The following MTAP variants were observed in gnomAD, a reference collection of about 807,000 sequenced individuals.
MTAP encodes the protein methylthioadenosine phosphorylase.
MTAP carries 33 observed loss-of-function variants against 33.6 expected under a neutral mutation model. The ratio of observed to expected loss-of-function variants is 0.98; its 90% CI spans 0.74 to 1.31. MTAP has a LOEUF of 1.31. Ranked by LOEUF, MTAP falls within the 40% of genes most tolerant of loss-of-function variation. The probability of loss-of-function intolerance (pLI) is 0.00; values close to 1 mark genes in which losing one functional copy is unlikely to be tolerated. For missense variants in MTAP, 367 were observed against 360.0 expected, an observed-to-expected ratio of 1.02 and a Z score of -0.16; for synonymous variants, 148 against 125.7, an observed-to-expected ratio of 1.18 and a Z score of -1.19.
chr9:21,859,999 G>A (rs1209967061), intron 7 of MTAP: 1 of 152,142 alleles, frequency 6.6e-6, no homozygotes, highest in Non-Finnish European at 1.5e-5. Context: ...TAACCACATA[G>A]GGAAAGACTT....
chr9:21,883,239 A>G (rs1047623989), intron 1 of MTAP, among the ~76,000 whole-genome samples: 2 of 152,256 alleles, frequency 1.3e-5, no homozygotes, highest in South Asian at 2.1e-4. Flanking sequence ...TAGTTCAACA[A>G]AAGAGAAACT....
intron 3 of MTAP, among the ~76,000 whole-genome samples, chr9:21,817,576 G>T (rs1004913503): frequency 2.0e-5 from 3 of 152,106 alleles, no homozygotes; most frequent in African/African-American, 4.8e-5. Context: ...CTGTTCACTT[G>T]ACTGCAGCTT....
At chr9:21,920,171 G>C (rs77801128) in intron 1 of MTAP, among the ~76,000 whole-genome samples, 4,450 of 152,196 alleles carry the variant, frequency 0.029, 120 homozygotes, top group Non-Finnish European at 0.041. Context: ...TTGAATTACA[G>C]AATGGGAGTG....
At chr9:21,898,078 C>A (rs1221203161) in intron 1 of MTAP, among the ~76,000 whole-genome samples, 2 of 152,160 alleles carry the variant, frequency 1.3e-5, no homozygotes, top group Non-Finnish European at 2.9e-5. Flanking sequence ...AATAATACCA[C>A]ACATCTACAA....
intron 4 of MTAP, among the ~76,000 whole-genome samples, chr9:21,827,022 A>G (rs1387428099): frequency 3.3e-5 from 5 of 152,044 alleles, no homozygotes; most frequent in Non-Finnish European, 7.4e-5. Flanking sequence ...TTCATCCTGA[A>G]ACCATCCCCT....
chr9:21,930,404 TG>T (rs1415770297), intron 1 of MTAP: 1 of 210,476 alleles, frequency 4.8e-6, no homozygotes, highest in Admixed American at 5.3e-5. Flanking sequence ...GACTGGAACT[TG>T]TACCATAGAT....
chr9:21,865,117 T>C lies in MTAP; in HGVS notation c.*3103T>C, dbSNP rs1021007192. ...CCCACCCAAATCTCATGTTGAATTG[T>C]AGTTCCCATAATCCCCACATGTTGT... On this transcript the variant is annotated 3_prime_UTR_variant, in exon 8 of 8. Transcript: ENST00000644715. 8 of 982,764 alleles carry C rather than the reference T, an allele frequency of 8.1e-6. No individual in the cohort carries two copies. Among genetic ancestry groups the C allele is most frequent in the Non-Finnish European group, 9.7e-6 (8 of 827,624 alleles). The allele number at this position is 982,764 out of a possible 1,614,324, so 60.9% of individuals were successfully genotyped here.
chr9:21,927,877 T>C (rs1563873891), intron 1 of MTAP, among the ~76,000 whole-genome samples: 1 of 152,234 alleles, frequency 6.6e-6, no homozygotes, highest in Admixed American at 6.5e-5. Flanking sequence ...GGAATACTCC[T>C]ATTACATAGA....
At position 21,862,187 on chromosome 9, in the gene MTAP, T is replaced by A; in HGVS notation, c.*173T>A. The A allele has an allele frequency of 7.3e-7, 1 of 1,364,460 alleles. No homozygotes were observed. The highest frequency in any genetic ancestry group is 9.5e-7 in the Non-Finnish European group (1 of 1,056,448). 84.5% of individuals were successfully genotyped at this position (1,364,460 alleles called of 1,614,324 possible). A position where few individuals can be genotyped will look rare whatever the true frequency, so the allele number is the denominator to read the frequency against. On this transcript the variant is annotated 3_prime_UTR_variant, in exon 8 of 8. Coordinates refer to ENST00000644715, the MANE Select transcript of MTAP (RefSeq NM_002451.4). ...GTGTGTATTAGAGACTCCTGAATGA[T>A]TTAGACAACTTCAAAATACAGAAGA...
chr9:21,835,100 C>G (rs1405945021), intron 4 of MTAP, among the ~76,000 whole-genome samples: 1 of 152,152 alleles, frequency 6.6e-6, no homozygotes, highest in African/African-American at 2.4e-5. Flanking sequence ...TACTTTCTCA[C>G]AGATAGCACC....
intron 1 of MTAP, among the ~76,000 whole-genome samples, chr9:21,878,187 G>A (rs1299102583): frequency 1.3e-5 from 2 of 151,886 alleles, no homozygotes; most frequent in Non-Finnish European, 2.9e-5. Context: ...TATTTCTGTG[G>A]GGTCATTGGT....
At position 21,806,687 on chromosome 9, in the gene MTAP, C is replaced by T. The variant is rs547324555; in HGVS notation, c.33+3906C>T. Among the ~76,000 whole-genome samples the T allele has an allele frequency of 1.4e-4, 22 of 152,278 alleles. No homozygotes were observed. The South Asian group carries it at 2.7e-3, about 19-fold the overall frequency. On this transcript the variant is annotated intron_variant, in intron 1 of 7. Coordinates refer to ENST00000644715, the MANE Select transcript of MTAP (RefSeq NM_002451.4). ...CAGGAGCCAGAGGCTATGGGATTAA[C>T]ACTGCCATTGTCTGAGAGGACCTCA... is the stretch of plus-strand genomic sequence containing the variant.
chr9:21,815,686 T>A, intron 2 of MTAP, 167 bp downstream of exon 2: 1 of 624,438 alleles, frequency 1.6e-6, no homozygotes. Flanking sequence ...TTCCATCAGC[T>A]GAGAAGGTGT....
chr9:21,873,737 T>C (rs1251698994), intron 1 of MTAP, among the ~76,000 whole-genome samples: 1 of 151,652 alleles, frequency 6.6e-6, no homozygotes, highest in Non-Finnish European at 1.5e-5. Context: ...TTTACCTCAA[T>C]CAGCAATTTA....
intron 1 of MTAP, among the ~76,000 whole-genome samples, chr9:21,877,978 G>A (rs547246675): frequency 3.4e-4 from 51 of 152,058 alleles, no homozygotes; most frequent in African/African-American, 1.1e-3. Context: ...CTGTGAATCT[G>A]TCTAGACATG....
chr9:21,940,925 TG>T, downstream of MTAP: 1 of 812,212 alleles, frequency 1.2e-6, no homozygotes, highest in Non-Finnish European at 1.5e-6. Context: ...CCCCCAGAAG[TG>T]GAAAGGGGTG....
chr9:21,853,604 CTTTA>C (rs1330882320), intron 5 of MTAP, among the ~76,000 whole-genome samples: 2 of 152,192 alleles, frequency 1.3e-5, no homozygotes, highest in Non-Finnish European at 2.9e-5. Context: ...AGTCACTCCA[CTTTA>C]TTTATATAGT....
chr9:21,814,702 T>TA (rs927648973), intron 1 of MTAP, among the ~76,000 whole-genome samples: 1 of 152,030 alleles, frequency 6.6e-6, no homozygotes, highest in African/African-American at 2.4e-5. Flanking sequence ...TGCATGAACT[T>TA]AAAAAAAACT....
At position 21,830,069 on chromosome 9, in the gene MTAP, A is replaced by G. The variant is rs1016764875; in HGVS notation, c.348-7839A>G. On this transcript the variant is annotated intron_variant, in intron 4 of 7. Coordinates refer to ENST00000644715, the MANE Select transcript of MTAP (RefSeq NM_002451.4). ...GGTTCAAGTATGTTTGGGTATGTGC[A>G]GTCAGTCTTTGTGTCTTTCTCATTC... 5.3e-5 allele frequency among the ~76,000 whole-genome samples: 8 copies of G among 152,334 alleles called. No homozygotes were observed. The South Asian group carries it at 8.3e-4, about 16-fold the overall frequency.
Sources: allele counts gnomAD v4.1 joint callset (sites outside exome capture counted in the v4.1 genomes callset), GRCh38; gene constraint gnomAD v4.1.1; transcripts MANE v1.5; gene names NCBI Gene and HGNC (gene_info 2026-07-23, HGNC 2026-07-21).